Variants in ABLIM3 observed in about 807,000 individuals in gnomAD.
ABLIM3 encodes actin-binding LIM protein 3.
In ABLIM3, 61 loss-of-function variants were observed where a neutral mutation model predicts 109.5. That is an observed-to-expected ratio of 0.56 (90% confidence interval 0.45 to 0.69). The LOEUF (loss-of-function observed/expected upper bound fraction) is 0.69, where lower values mean the gene tolerates loss of function less well. Among genes scored for constraint, ABLIM3 ranks in the 30% least tolerant of loss-of-function variants. The pLI, the probability that ABLIM3 is intolerant of heterozygous loss-of-function variation, is 0.00. For missense variants in ABLIM3, 796 were observed against 889.5 expected (o/e 0.89, Z 1.34); for synonymous variants, 300 against 324.8 (o/e 0.92, Z 0.82).
chr5:149,172,117 C>T (rs1755492602), intron 2 of ABLIM3, among the ~76,000 whole-genome samples: 1 of 152,132 alleles, frequency 6.6e-6, no homozygotes, highest in Non-Finnish European at 1.5e-5. Flanking sequence ...CATTCTTTGA[C>T]TTGTGATCTT....
intron 2 of ABLIM3, among the ~76,000 whole-genome samples, chr5:149,150,458 G>A (rs1460295454): frequency 6.6e-6 from 1 of 152,202 alleles, no homozygotes; most frequent in African/African-American, 2.4e-5. Flanking sequence ...AGGCTAAGAA[G>A]GGGTTAGAGG....
rs75890852 is a variant in ABLIM3, at chr5:149,239,416, G to A, written c.1074+139G>A. On this transcript the variant is annotated intron_variant, in intron 12 of 23. Transcript: ENST00000309868. The stretch of plus-strand genomic sequence containing the variant: ...AAGCAGGGAAGTGCTGGAGAGACTC[G>A]GGTGCATGTCCTGGAGGAAGTGGTA... 0.022 allele frequency: 20,682 copies of A among 960,986 alleles called. 363 individuals carry two copies. The highest frequency in any genetic ancestry group is 0.065 in the African/African-American group (4,001 of 61,908). 59.5% of individuals were successfully genotyped at this position (960,986 alleles called of 1,614,324 possible).
intron 2 of ABLIM3, among the ~76,000 whole-genome samples, chr5:149,179,980 A>G (rs17109714): frequency 0.014 from 2,108 of 152,306 alleles, 24 homozygotes; most frequent in Middle Eastern, 0.02. Flanking sequence ...TTGGCCAGTA[A>G]TGTTAAAAGA....
At chr5:149,170,073 C>T (rs549449279) in intron 2 of ABLIM3, among the ~76,000 whole-genome samples, 19 of 152,226 alleles carry the variant, frequency 1.2e-4, no homozygotes, top group Non-Finnish European at 1.3e-4. Flanking sequence ...ATTATTTCCT[C>T]ACCCAAGTAT....
At chr5:149,225,976 GTGTGTGTATATA>G (rs1404596585) in intron 8 of ABLIM3, among the ~76,000 whole-genome samples, 61 of 38,514 alleles carry the variant, frequency 1.6e-3, no homozygotes, top group African/African-American at 3.6e-3. Context: ...GTGTGTGTGT[GTGTGTGTATATA>G]TATATATATA....
At chr5:149,257,698 G>A (rs990851005) in intron 23 of ABLIM3, among the ~76,000 whole-genome samples, 9 of 152,104 alleles carry the variant, frequency 5.9e-5, no homozygotes, top group Non-Finnish European at 1.3e-4. Flanking sequence ...CAGAAAGAGG[G>A]GAAAATCCAC....
rs370387159 is a variant in ABLIM3 at position 149,247,835 on chromosome 5, G to A, written c.1605G>A (p.Ser535=). 5.4e-5 allele frequency: 87 copies of A among 1,614,238 alleles called. 1 individual carries two copies. The South Asian group carries it at 7.1e-4, about 13-fold the overall frequency. The change falls in exon 18 of 24, where the codon TCG becomes TCA. Residue 535 remains serine, a synonymous_variant. Coordinates refer to ENST00000309868, the MANE Select transcript of ABLIM3 (RefSeq NM_014945.5). Reference sequence around the variant, plus strand: ...TGAAGGAAGAAATGAAGGCCCGGTCGAGCTCCTATGCAGATCCCTGGACCC... The same window carrying A: ...TGAAGGAAGAAATGAAGGCCCGGTCAAGCTCCTATGCAGATCCCTGGACCC... ...LILKEEMKAR[S]SSYADPWTPP... is the part of the protein sequence containing the mutation.
rs66529532 is a variant in ABLIM3, at chr5:149,203,767, T to G, written c.449-3241T>G. On this transcript the variant is annotated intron_variant, in intron 5 of 23. Transcript: ENST00000309868. ...ACCAACACTGTCAACACCAACAATA[T>G]CAGCATCACCACCACTAACATAGAT... Among the ~76,000 whole-genome samples the G allele has an allele frequency of 0.011, 1,613 of 152,080 alleles. 64 individuals are homozygous for G. In the East Asian group the frequency reaches 0.12, roughly 12 times the overall value.
intron 23 of ABLIM3, among the ~76,000 whole-genome samples, chr5:149,256,877 G>T (rs1754476701): frequency 6.6e-6 from 1 of 152,046 alleles, no homozygotes; most frequent in African/African-American, 2.4e-5. Flanking sequence ...TTTTTAATGG[G>T]GTTGACCAAG....
At chr5:149,143,027 A>G (rs1752625196) in intron 2 of ABLIM3, among the ~76,000 whole-genome samples, 1 of 152,076 alleles carries the variant, frequency 6.6e-6, no homozygotes, top group Non-Finnish European at 1.5e-5. Flanking sequence ...CCCTCTCTGC[A>G]TCTCAGACTG....
chr5:149,152,204 C>T (rs1753496882), intron 2 of ABLIM3, among the ~76,000 whole-genome samples: 1 of 152,200 alleles, frequency 6.6e-6, no homozygotes, highest in African/African-American at 2.4e-5. Flanking sequence ...TAGTTTCTGG[C>T]TTGCCACAAT....
intron 23 of ABLIM3, among the ~76,000 whole-genome samples, chr5:149,256,239 C>T (rs1201000289): frequency 1.3e-5 from 2 of 152,150 alleles, no homozygotes; most frequent in Admixed American, 1.3e-4. Flanking sequence ...TATATCAAGA[C>T]TCATAACAAA....
chr5:149,163,992 A>G (rs1377926448), intron 2 of ABLIM3: 2 of 152,206 alleles, frequency 1.3e-5, no homozygotes, highest in East Asian at 1.9e-4. Context: ...TGGATTTCCT[A>G]TAAAGGGTAT....
At position 149,161,777 on chromosome 5, in the gene ABLIM3, T is replaced by C. The variant is rs181005018; in HGVS notation, c.13+19669T>C. Among the ~76,000 whole-genome samples, 767 of 152,288 alleles carry C rather than the reference T, an allele frequency of 5.0e-3. 24 individuals carry two copies. Among genetic ancestry groups the C allele is most frequent in the Admixed American group, 0.045 (683 of 15,280 alleles). ...AATGAATCTCTTGGGGTTTCTTGAA[T>C]TTAATTGTAATAGTCATTTTTTCTG... On this transcript the variant is annotated intron_variant, in intron 2 of 23. Coordinates refer to ENST00000309868, the MANE Select transcript of ABLIM3 (RefSeq NM_014945.5).
chr5:149,202,114 G>C (rs952115395), intron 5 of ABLIM3, among the ~76,000 whole-genome samples: 7 of 152,156 alleles, frequency 4.6e-5, no homozygotes, highest in Non-Finnish European at 1.0e-4. Context: ...CTCCTGGGTC[G>C]GTTGTTATTT....
At chr5:149,251,516 C>G in intron 21 of ABLIM3, 97 bp downstream of exon 21, 1 of 1,409,624 alleles carries the variant, frequency 7.1e-7, no homozygotes, top group East Asian at 2.5e-5. Flanking sequence ...GCTACAGATT[C>G]TGTCCCCACG....
In ABLIM3 at chr5:149,190,451, G is replaced by A. The variant is rs371861206; in HGVS notation, c.151+6862G>A. Reference sequence around the variant, plus strand: ...TCCCAGCACTTTGGGAGGCCGAGGCGGGTGGATCACCTGAGCCCAGGAGTT... The same window carrying A: ...TCCCAGCACTTTGGGAGGCCGAGGCAGGTGGATCACCTGAGCCCAGGAGTT... On this transcript the variant is annotated intron_variant, in intron 3 of 23. Coordinates refer to ENST00000309868, the MANE Select transcript of ABLIM3 (RefSeq NM_014945.5). Among the ~76,000 whole-genome samples, 17 of 152,240 alleles carry A rather than the reference G, an allele frequency of 1.1e-4. No homozygotes were observed. In the East Asian group the frequency reaches 1.2e-3, roughly 10 times the overall value.
Position 149,198,455 on chromosome 5 carries a change from G to T in ABLIM3, c.335+53G>T. The T allele has an allele frequency of 1.3e-6, 2 of 1,519,178 alleles. No individual in the cohort carries two copies. The highest frequency in any genetic ancestry group is 2.7e-5 in the South Asian group (2 of 75,034). 94.1% of individuals were successfully genotyped at this position (1,519,178 alleles called of 1,614,324 possible). A position where few individuals can be genotyped will look rare whatever the true frequency, so the allele number is the denominator to read the frequency against. ...ACCCTCTGCATAAGCCCCCGGGGCA[G>T]GGGAAGACCTGGCTTTTTCCAGGAA... On this transcript the variant is annotated intron_variant, in intron 4 of 23. Coordinates refer to ENST00000309868, the MANE Select transcript of ABLIM3 (RefSeq NM_014945.5). The surrounding 1 kb of genome is among the most constrained non-coding windows in gnomAD (Gnocchi z 4.2).
At position 149,247,865 on chromosome 5, in the gene ABLIM3, C is replaced by T; in HGVS notation, c.1635C>T (p.Pro545=). The change falls in exon 18 of 24, where the codon CCC becomes CCT. Residue 545 remains proline, a synonymous_variant. Transcript: ENST00000309868. ...CCTATGCAGATCCCTGGACCCCTCC[C>T]CGGAGCTCCACCAGCAGCCGGGAAG... ...SSSYADPWTP[P]RSSTSSREAL... 1 of 1,614,254 alleles carries T rather than the reference C, an allele frequency of 6.2e-7. No homozygotes were observed. Among genetic ancestry groups the T allele is most frequent in the East Asian group, 2.2e-5 (1 of 44,884 alleles).
Sources: gnomAD v4.1 joint callset for allele counts (sites outside exome capture counted in the v4.1 genomes callset) on GRCh38, gnomAD v4.1.1 for gene constraint, Gnocchi (gnomAD v3.1) non-coding constraint, MANE v1.5 for transcripts, NCBI Gene and HGNC (gene_info 2026-07-23, HGNC 2026-07-21) for gene names.